The following CNTNAP3B variants were observed in gnomAD, a reference collection of about 807,000 sequenced individuals.
CNTNAP3B encodes contactin associated protein family member 3B.
CNTNAP3B carries 25 observed loss-of-function variants against 108.9 expected under a neutral mutation model. That is an observed-to-expected ratio of 0.23 (90% CI 0.17 to 0.32). CNTNAP3B has a LOEUF of 0.32. Among genes scored for constraint, CNTNAP3B ranks in the 10% least tolerant of loss-of-function variants. CNTNAP3B has a pLI of 1.00. For synonymous variants in CNTNAP3B, 103 were observed against 473.4 expected (o/e 0.22, Z 10.16); for missense variants, 252 against 1,210.4 (o/e 0.21, Z 11.75).
chr9:41,940,612 C>G (rs1161448597), intron 13 of CNTNAP3B, among the ~76,000 whole-genome samples: 1 of 152,262 alleles, frequency 6.6e-6, no homozygotes, highest in African/African-American at 2.4e-5. Flanking sequence ...GAGGTCAGAT[C>G]GAGACCATCC....
intron 3 of CNTNAP3B, among the ~76,000 whole-genome samples, chr9:42,055,447 A>G (rs1368230376): frequency 1.4e-5 from 2 of 144,598 alleles, no homozygotes; most frequent in African/African-American, 5.3e-5. Context: ...CAGAGTATAA[A>G]TGTACCATGA....
intron 2 of CNTNAP3B, among the ~76,000 whole-genome samples, chr9:42,086,560 T>A (rs1426574824): frequency 8.4e-6 from 1 of 118,426 alleles, no homozygotes; most frequent in Non-Finnish European, 1.7e-5. Flanking sequence ...TTCTCCTGCC[T>A]CAGCTACCCG....
chr9:41,940,742 G>C (rs1824315943), intron 13 of CNTNAP3B, among the ~76,000 whole-genome samples: 1 of 152,104 alleles, frequency 6.6e-6, no homozygotes, highest in Non-Finnish European at 1.5e-5. Flanking sequence ...GTGAACCCGG[G>C]AGGCGGAGCC....
intron 13 of CNTNAP3B, among the ~76,000 whole-genome samples, chr9:41,945,393 T>C (rs1182945190): frequency 1.3e-5 from 2 of 152,308 alleles, no homozygotes; most frequent in Admixed American, 1.3e-4. Context: ...CAGACTGGAT[T>C]AAGAAAATGT....
At chr9:41,924,808 T>G (rs1031256108) in intron 15 of CNTNAP3B, among the ~76,000 whole-genome samples, 27 of 152,270 alleles carry the variant, frequency 1.8e-4, no homozygotes, top group African/African-American at 6.5e-4. Flanking sequence ...GCCTCTTTAG[T>G]GTCCTTTATT....
intron 2 of CNTNAP3B, among the ~76,000 whole-genome samples, chr9:42,096,268 C>T (rs1349323806): frequency 7.2e-6 from 1 of 139,510 alleles, no homozygotes; most frequent in Non-Finnish European, 1.5e-5. Context: ...CGGCAAGGCT[C>T]TGCTTGAGAG....
At chr9:42,032,473 T>C (rs1479045911) in intron 3 of CNTNAP3B, among the ~76,000 whole-genome samples, 1 of 130,112 alleles carries the variant, frequency 7.7e-6, no homozygotes, top group African/African-American at 3.2e-5. Context: ...GAGGGGATAA[T>C]GGTAGACAAA....
chr9:42,112,881 T>C (rs1165659876), intron 1 of CNTNAP3B, among the ~76,000 whole-genome samples: 1 of 128,556 alleles, frequency 7.8e-6, no homozygotes, highest in African/African-American at 3.2e-5. Context: ...TTTTTTTTTT[T>C]TTTTTTGAGA....
chr9:42,030,758 G>C (rs1369239779), intron 3 of CNTNAP3B, among the ~76,000 whole-genome samples: 3 of 111,304 alleles, frequency 2.7e-5, no homozygotes, highest in African/African-American at 1.3e-4. Context: ...TACAGAGAGA[G>C]AGAGAGAGAG....
At chr9:41,955,017 T>C (rs1325157048) in intron 12 of CNTNAP3B, among the ~76,000 whole-genome samples, 1 of 151,384 alleles carries the variant, frequency 6.6e-6, no homozygotes, top group African/African-American at 2.4e-5. Context: ...CTGGTGTTAC[T>C]CTGTGCACAT....
At chr9:42,044,890 T>A (rs1826840280) in intron 3 of CNTNAP3B, among the ~76,000 whole-genome samples, 1 of 110,654 alleles carries the variant, frequency 9.0e-6, no homozygotes, top group Admixed American at 9.4e-5. Context: ...TTGAGCAAGC[T>A]GAAAGCAATA....
Position 41,967,221 on chromosome 9 carries a change from A to G in CNTNAP3B, c.1650-2577T>C, listed in dbSNP as rs548165883. Among the ~76,000 whole-genome samples, 8 of 152,188 alleles carry G rather than the reference A, an allele frequency of 5.3e-5. No homozygotes were observed. In the East Asian group the frequency reaches 1.5e-3, roughly 29 times the overall value. ...CTCATCTTGAATTGTAGTTCTCATA[A>G]TTCCCACTGTGTCATGGGAGGGAAC... On this transcript the variant is annotated intron_variant, in intron 10 of 23. Transcript: ENST00000377561.
intron 1 of CNTNAP3B, among the ~76,000 whole-genome samples, chr9:42,122,806 GTGTTAATAATTGATT>G (rs1828492114): frequency 8.0e-6 from 1 of 124,658 alleles, no homozygotes; most frequent in South Asian, 2.8e-4. Flanking sequence ...CTTTGTATTT[GTGTTAATAATTGATT>G]TGTCTTTGAA....
intron 3 of CNTNAP3B, among the ~76,000 whole-genome samples, chr9:42,039,498 AAATTCCTC>A (rs1388094090): frequency 8.0e-5 from 1 of 12,452 alleles, no homozygotes; most frequent in Admixed American, 7.0e-4. Context: ...AGAAATGGAT[AAATTCCTC>A]AACACATACA....
chr9:42,124,782 A>T (rs1174138134), intron 1 of CNTNAP3B, among the ~76,000 whole-genome samples: 1 of 129,868 alleles, frequency 7.7e-6, no homozygotes, highest in Non-Finnish European at 1.6e-5. Context: ...GAACAATCCC[A>T]GTGCCAATTA....
At chr9:41,934,978 T>A (rs1824111356) in intron 14 of CNTNAP3B, among the ~76,000 whole-genome samples, 1 of 152,266 alleles carries the variant, frequency 6.6e-6, no homozygotes, top group Non-Finnish European at 1.5e-5. Flanking sequence ...ACATGTGTCA[T>A]CATTATATTA....
At chr9:41,977,909 G>A (rs1022506043) in intron 9 of CNTNAP3B, among the ~76,000 whole-genome samples, 7 of 142,756 alleles carry the variant, frequency 4.9e-5, no homozygotes, top group Non-Finnish European at 9.1e-5. Flanking sequence ...GGGATTACAG[G>A]CGTGAGCCAC....
At chr9:41,967,297 A>T (rs1295405838) in intron 10 of CNTNAP3B, among the ~76,000 whole-genome samples, 1 of 152,274 alleles carries the variant, frequency 6.6e-6, no homozygotes, top group Non-Finnish European at 1.5e-5. Flanking sequence ...TGCTGTTCTC[A>T]TGATAGTGAA....
In CNTNAP3B at chr9:41,953,375, A is replaced by T; in HGVS notation, c.1888T>A (p.Trp630Arg). The change falls in exon 13 of 24, where the codon TGG becomes AGG. Residue 630 changes from tryptophan (W) to arginine (R), a missense_variant. Coordinates refer to ENST00000377561, the MANE Select transcript of CNTNAP3B (RefSeq NM_001201380.3). ...GGGCCACCGTGCCGCACCACCGTCC[A>T]CGCGGAGTCTGCTGAGCAGAAACGG... The part of the protein sequence containing the change: ...VYCNMTADSA[W>R]TVVRHGGPDA... 6.5e-7 allele frequency: 1 copy of T among 1,549,880 alleles called. No homozygotes were observed. Among genetic ancestry groups the T allele is most frequent in the Non-Finnish European group, 8.7e-7 (1 of 1,153,030 alleles).
Sources: gnomAD v4.1 joint callset for allele counts (sites outside exome capture counted in the v4.1 genomes callset) on GRCh38, gnomAD v4.1.1 for gene constraint, MANE v1.5 for transcripts, NCBI Gene and HGNC (gene_info 2026-07-23, HGNC 2026-07-21) for gene names.